The following ADGRL2 variants were observed in gnomAD, a reference collection of about 807,000 sequenced individuals.
The protein encoded by ADGRL2 is calcium-independent alpha-latrotoxin receptor 2.
ADGRL2 carries 44 observed loss-of-function variants against 157.4 expected under a neutral mutation model. That is an observed-to-expected ratio of 0.28 (90% CI 0.22 to 0.36). The LOEUF (loss-of-function observed/expected upper bound fraction) is 0.36, where lower values mean the gene tolerates loss of function less well. ADGRL2 is among the 10% of genes least tolerant of loss of function. The pLI is 1.00. For missense variants in ADGRL2, 1,510 were observed against 1,768.9 expected (o/e 0.85, Z 2.63); for synonymous variants, 585 against 624.7 (o/e 0.94, Z 0.95).
At chr1:81,633,177 C>G (rs1363495147) in intron 3 of ADGRL2, among the ~76,000 whole-genome samples, 1 of 152,070 alleles carries the variant, frequency 6.6e-6, no homozygotes, top group Non-Finnish European at 1.5e-5. Flanking sequence ...AAAATTCTAC[C>G]TTGGCTTTTA....
intron 3 of ADGRL2, among the ~76,000 whole-genome samples, chr1:81,641,669 G>A (rs12066388): frequency 0.29 from 44,250 of 152,016 alleles, 6,516 homozygotes; most frequent in East Asian, 0.32. Context: ...TTTGTGGGAT[G>A]CAGAGAAAGT....
At chr1:81,813,310 T>C (rs1160267382) in intron 1 of ADGRL2, among the ~76,000 whole-genome samples, 1 of 151,748 alleles carries the variant, frequency 6.6e-6, no homozygotes, top group East Asian at 1.9e-4. Flanking sequence ...CAAGTAATAA[T>C]ATGACAAAAA....
intron 2 of ADGRL2, among the ~76,000 whole-genome samples, chr1:81,782,453 T>A (rs2086855999): frequency 6.6e-6 from 1 of 152,216 alleles, no homozygotes; most frequent in Admixed American, 6.5e-5. Context: ...TTTAAAAAAT[T>A]AATTATAAAC....
At chr1:81,308,591 A>G (rs1485833078) in intron 1 of ADGRL2, among the ~76,000 whole-genome samples, 2 of 152,210 alleles carry the variant, frequency 1.3e-5, no homozygotes, top group South Asian at 2.1e-4. Flanking sequence ...GAAAATGCAA[A>G]CAATGAGACA....
At chr1:81,616,896 G>A (rs140167538) in intron 3 of ADGRL2, among the ~76,000 whole-genome samples, 3 of 152,000 alleles carry the variant, frequency 2.0e-5, no homozygotes, top group African/African-American at 4.8e-5. Context: ...CAGGCTGGTC[G>A]CAAAAGCCAG....
rs1664371904 is a variant in ADGRL2, at chr1:81,990,438, C to T, written c.3703C>T (p.Pro1235Ser). Residue 1235 changes from proline to serine, a missense_variant, in exon 24 of 24, where the codon CCG becomes TCG. By Grantham distance (74) the Pro-to-Ser change is moderately conservative. Coordinates refer to ENST00000686636, the MANE Select transcript of ADGRL2 (RefSeq NM_001366006.2). ...GGATACAAGTGCCATGGATACTCTA[C>T]CGCTAAATGGTAATTTTAACAACAG... Reference protein sequence around the residue: ...ARDTSAMDTLPLNGNFNNSYS... With the variant: ...ARDTSAMDTLSLNGNFNNSYS... 1 of 1,614,062 alleles carries T rather than the reference C, an allele frequency of 6.2e-7. No individual in the cohort carries two copies. Among genetic ancestry groups the T allele is most frequent in the Non-Finnish European group, 8.5e-7 (1 of 1,179,968 alleles).
At chr1:81,789,873 G>C (rs141351646) in intron 2 of ADGRL2, among the ~76,000 whole-genome samples, 1 of 152,168 alleles carries the variant, frequency 6.6e-6, no homozygotes, top group African/African-American at 2.4e-5. Context: ...GGAAAAATTG[G>C]TTAAAAAGGC....
At chr1:81,330,887 A>G (rs953548333) in intron 1 of ADGRL2, among the ~76,000 whole-genome samples, 4 of 152,194 alleles carry the variant, frequency 2.6e-5, no homozygotes, top group African/African-American at 9.6e-5. Context: ...GATGTTTTAA[A>G]GAACACAGAA....
At chr1:81,818,254 C>A (rs2090621135) in intron 1 of ADGRL2, among the ~76,000 whole-genome samples, 1 of 152,120 alleles carries the variant, frequency 6.6e-6, no homozygotes, top group South Asian at 2.1e-4. Context: ...TGGGTACAAT[C>A]TCTTGAAGTA....
intron 1 of ADGRL2, among the ~76,000 whole-genome samples, chr1:81,425,641 T>C (rs1012822904): frequency 6.6e-6 from 1 of 152,194 alleles, no homozygotes; most frequent in African/African-American, 2.4e-5. Context: ...CACCAGGCAC[T>C]ACAGGCAGAG....
intron 11 of ADGRL2, among the ~76,000 whole-genome samples, chr1:81,964,107 A>T (rs1452523670): frequency 6.6e-6 from 1 of 151,944 alleles, no homozygotes; most frequent in African/African-American, 2.4e-5. Flanking sequence ...TGTAGTCATG[A>T]TCTTACTACT....
intron 1 of ADGRL2, chr1:81,721,724 C>G (rs1477358086): frequency 5.7e-6 from 8 of 1,407,272 alleles, no homozygotes; most frequent in Non-Finnish European, 7.9e-6. Context: ...CGAGCAGGCC[C>G]TTGTGAAAAT....
chr1:81,968,122 A>G lies in ADGRL2; in HGVS notation c.2446A>G (p.Thr816Ala). 3 of 1,613,074 alleles carry G rather than the reference A, an allele frequency of 1.9e-6. No homozygotes were observed. The highest frequency in any genetic ancestry group is 2.5e-6 in the Non-Finnish European group (3 of 1,179,720). The change falls in exon 14 of 24, where the codon ACT (threonine) becomes GCT (alanine). Residue 816 changes from threonine to alanine, a missense_variant. Around this residue, in one of 4 missense-constraint regions of ADGRL2, gnomAD observed 497 missense variants for 627.2 expected, o/e 0.79. Transcript: ENST00000686636. ...TACCCAGGGCTGCAAGCTGGTTGACACTAATAAAACTCGAACAACGTGTGC... is the reference window on the plus strand; with the variant it reads ...TACCCAGGGCTGCAAGCTGGTTGACGCTAATAAAACTCGAACAACGTGTGC... ...WSTQGCKLVD[T>A]NKTRTTCACS...
At chr1:81,920,924 G>A (rs1212674633) in intron 3 of ADGRL2, among the ~76,000 whole-genome samples, 2 of 150,062 alleles carry the variant, frequency 1.3e-5, no homozygotes, top group African/African-American at 2.4e-5. Flanking sequence ...CACTCAAAAC[G>A]TTTATCTTTG....
intron 2 of ADGRL2, among the ~76,000 whole-genome samples, chr1:81,875,972 G>A (rs1041268383): frequency 6.6e-6 from 1 of 152,106 alleles, no homozygotes; most frequent in Non-Finnish European, 1.5e-5. Context: ...GGAGAATACT[G>A]TATAAAAAGT....
intron 2 of ADGRL2, among the ~76,000 whole-genome samples, chr1:81,852,442 T>A (rs141711869): frequency 2.6e-4 from 39 of 152,136 alleles, no homozygotes; most frequent in African/African-American, 7.9e-4. Context: ...GGGAAAAAAA[T>A]TTTTAAAAAG....
At chr1:81,377,232 T>TA (rs72309866) in intron 1 of ADGRL2, among the ~76,000 whole-genome samples, 34 of 151,820 alleles carry the variant, frequency 2.2e-4, no homozygotes, top group Admixed American at 9.2e-4. Context: ...GCATTTCTAG[T>TA]AAAAAAACAT....
chr1:81,691,322 G>GT (rs202188457), intron 3 of ADGRL2, among the ~76,000 whole-genome samples: 1 of 126,754 alleles, frequency 7.9e-6, no homozygotes. Flanking sequence ...AGTTCTGCTT[G>GT]TTTTCTTTTT....
intron 1 of ADGRL2, among the ~76,000 whole-genome samples, chr1:81,326,213 G>T (rs1660890483): frequency 6.6e-6 from 1 of 152,100 alleles, no homozygotes; most frequent in African/African-American, 2.4e-5. Context: ...CAGTCCTCTG[G>T]AAATAAAGAA....
Sources: allele counts gnomAD v4.1 joint callset (sites outside exome capture counted in the v4.1 genomes callset), GRCh38; gene constraint gnomAD v4.1.1; regional missense constraint gnomAD v4.1.1; transcripts MANE v1.5; gene names NCBI Gene and HGNC (gene_info 2026-07-23, HGNC 2026-07-21).